PCDH9: variants seen among roughly 807,000 people sequenced by gnomAD.
PCDH9 encodes protocadherin 9, also known as protocadherin-9.
Under a neutral mutation model 70.6 loss-of-function variants are expected in PCDH9, and 24 were observed. The observed-to-expected ratio is 0.34, with a 90% CI of 0.25 to 0.48. PCDH9 has a LOEUF of 0.48. PCDH9 is among the 20% of genes least tolerant of loss of function. The pLI is 0.99. For synonymous variants in PCDH9, 562 were observed against 558.5 expected, an observed-to-expected ratio of 1.01 and a Z score of -0.09; for missense variants, 1,281 against 1,503.6, an observed-to-expected ratio of 0.85 and a Z score of 2.45.
rs188806258 is a variant in PCDH9, at chr13:66,807,787, C to A, written c.3138+95717G>T. Among the ~76,000 whole-genome samples, 41 of 152,298 alleles carry A rather than the reference C, an allele frequency of 2.7e-4. No individual in the cohort carries two copies. In the East Asian group the frequency reaches 7.1e-3, roughly 26 times the overall value. Reference sequence around the variant, plus strand: ...CTTTGTGTTATATAAAGTACAATGTCTTAATTGATAAATATTAAACTTATC... The same window carrying A: ...CTTTGTGTTATATAAAGTACAATGTATTAATTGATAAATATTAAACTTATC... On this transcript the variant is annotated intron_variant, in intron 3 of 4. Transcript: ENST00000377865.
intron 3 of PCDH9, among the ~76,000 whole-genome samples, chr13:66,697,569 T>C (rs1410773087): frequency 6.6e-6 from 1 of 152,192 alleles, no homozygotes; most frequent in African/African-American, 2.4e-5. Flanking sequence ...ATTATTGACA[T>C]TTTGGACCAG....
chr13:67,013,801 T>C (rs1420443393), intron 2 of PCDH9, among the ~76,000 whole-genome samples: 2 of 151,924 alleles, frequency 1.3e-5, no homozygotes, highest in Non-Finnish European at 2.9e-5. Context: ...AAAACAGGTT[T>C]AACATAAGAC....
intron 4 of PCDH9, among the ~76,000 whole-genome samples, chr13:66,537,818 T>C (rs1960771595): frequency 6.6e-6 from 1 of 152,136 alleles, no homozygotes; most frequent in Admixed American, 6.6e-5. Flanking sequence ...GGTAGTTTAG[T>C]GACCAAAGTG....
At chr13:66,496,078 A>G (rs1959112300) in intron 4 of PCDH9, among the ~76,000 whole-genome samples, 1 of 152,218 alleles carries the variant, frequency 6.6e-6, no homozygotes, top group Non-Finnish European at 1.5e-5. Flanking sequence ...CATGCTGTTA[A>G]CACTCAACTA....
intron 4 of PCDH9, among the ~76,000 whole-genome samples, chr13:66,565,174 T>A (rs997737014): frequency 6.6e-6 from 1 of 152,340 alleles, no homozygotes; most frequent in East Asian, 1.9e-4. Flanking sequence ...GTATAAGGAA[T>A]GTGCTTGTTT....
At chr13:66,318,324 A>G (rs1955691296) in intron 4 of PCDH9, among the ~76,000 whole-genome samples, 1 of 152,144 alleles carries the variant, frequency 6.6e-6, no homozygotes, top group Non-Finnish European at 1.5e-5. Flanking sequence ...TTTTTGACAA[A>G]AGAAGAGAAA....
intron 4 of PCDH9, among the ~76,000 whole-genome samples, chr13:66,449,184 A>T (rs888557745): frequency 6.6e-6 from 1 of 152,124 alleles, no homozygotes; most frequent in Non-Finnish European, 1.5e-5. Context: ...TATATTAAAT[A>T]CCCAATTAGC....
intron 4 of PCDH9, among the ~76,000 whole-genome samples, chr13:66,418,428 A>G (rs1957500335): frequency 6.6e-6 from 1 of 152,198 alleles, no homozygotes; most frequent in Non-Finnish European, 1.5e-5. Flanking sequence ...GTTTGAAATC[A>G]GGTAGCATGA....
At chr13:66,360,427 A>G (rs187944028) in intron 4 of PCDH9, among the ~76,000 whole-genome samples, 2 of 152,230 alleles carry the variant, frequency 1.3e-5, no homozygotes, top group East Asian at 3.9e-4. Flanking sequence ...TCTGTGTGCA[A>G]TATGCCTATT....
At chr13:66,571,617 A>G (rs1341038413) in intron 4 of PCDH9, among the ~76,000 whole-genome samples, 2 of 152,000 alleles carry the variant, frequency 1.3e-5, no homozygotes, top group Non-Finnish European at 2.9e-5. Context: ...ATCGCTTGAT[A>G]GTTCAACGGC....
At chr13:66,518,247 A>G (rs1291922460) in intron 4 of PCDH9, among the ~76,000 whole-genome samples, 1 of 152,108 alleles carries the variant, frequency 6.6e-6, no homozygotes. Context: ...GCAATAGCTT[A>G]CTTATTACCA....
chr13:66,967,581 C>G (rs755110372), intron 2 of PCDH9, among the ~76,000 whole-genome samples: 1 of 151,804 alleles, frequency 6.6e-6, no homozygotes, highest in Admixed American at 6.6e-5. Context: ...CAAGTTTACC[C>G]AAATCCATAG....
At chr13:66,638,975 G>C (rs1340366720) in intron 3 of PCDH9, among the ~76,000 whole-genome samples, 1 of 152,192 alleles carries the variant, frequency 6.6e-6, no homozygotes, top group African/African-American at 2.4e-5. Context: ...GTTTGTGTTT[G>C]AGAAAAATAA....
At chr13:67,179,617 A>C (rs1239316985) in intron 2 of PCDH9, among the ~76,000 whole-genome samples, 1 of 152,122 alleles carries the variant, frequency 6.6e-6, no homozygotes, top group African/African-American at 2.4e-5. Context: ...ACTGGCATTA[A>C]ATCTAGTTTT....
intron 3 of PCDH9, among the ~76,000 whole-genome samples, chr13:66,789,126 C>G (rs1039513944): frequency 2.6e-5 from 4 of 152,144 alleles, no homozygotes; most frequent in Non-Finnish European, 5.9e-5. Flanking sequence ...AATGTCTGAA[C>G]CAAGACGTTT....
chr13:66,357,082 G>T (rs1485051654), intron 4 of PCDH9, among the ~76,000 whole-genome samples: 3 of 152,118 alleles, frequency 2.0e-5, no homozygotes, highest in African/African-American at 7.2e-5. Context: ...GCAGCTTCTG[G>T]AAGAGAGAAG....
intron 2 of PCDH9, among the ~76,000 whole-genome samples, chr13:67,113,621 C>G (rs2086700742): frequency 6.6e-6 from 1 of 151,810 alleles, no homozygotes; most frequent in Non-Finnish European, 1.5e-5. Context: ...CATCTCGGCT[C>G]ACTGCAAGCT....
intron 4 of PCDH9, among the ~76,000 whole-genome samples, chr13:66,319,136 A>C (rs115122147): frequency 3.3e-5 from 5 of 152,292 alleles, no homozygotes; most frequent in Admixed American, 1.3e-4. Context: ...CTTCTTCACA[A>C]GGCGGCAGGA....
At chr13:66,942,465 T>G (rs888902435) in intron 2 of PCDH9, among the ~76,000 whole-genome samples, 5 of 151,782 alleles carry the variant, frequency 3.3e-5, no homozygotes, top group African/African-American at 1.2e-4. Flanking sequence ...AACAAAGAAA[T>G]GTTCCAATAA....
Sources: gnomAD v4.1 joint callset for allele counts (sites outside exome capture counted in the v4.1 genomes callset) on GRCh38, gnomAD v4.1.1 for gene constraint, MANE v1.5 for transcripts, NCBI Gene and HGNC (gene_info 2026-07-23, HGNC 2026-07-21) for gene names.